Variants in NCOR2 observed in about 807,000 individuals in gnomAD.
NCOR2 encodes nuclear receptor corepressor 2.
Under a neutral mutation model 262.9 loss-of-function variants are expected in NCOR2, and 81 were observed. The ratio of observed to expected loss-of-function variants is 0.31; its 90% CI spans 0.26 to 0.37. The LOEUF is 0.37. NCOR2 is among the 10% of genes least tolerant of loss of function. NCOR2 has a pLI of 1.00. For synonymous variants in NCOR2, 1,659 were observed against 1,559.3 expected (o/e 1.06, Z -1.51); for missense variants, 3,385 against 3,621.4 (o/e 0.93, Z 1.68).
intron 16 of NCOR2, among the ~76,000 whole-genome samples, chr12:124,387,672 CG>C (rs998880000): frequency 2.0e-5 from 3 of 152,180 alleles, no homozygotes; most frequent in African/African-American, 7.2e-5. Flanking sequence ...AGGGGAGGGC[CG>C]GGGCGTGGGA....
At chr12:124,393,920 G>A (rs1421611453) in intron 16 of NCOR2, among the ~76,000 whole-genome samples, 2 of 152,274 alleles carry the variant, frequency 1.3e-5, no homozygotes, top group Non-Finnish European at 2.9e-5. Context: ...TGCTCTGGGT[G>A]TCGGCCCCTT....
intron 37 of NCOR2, 22 bp downstream of exon 39, chr12:124,339,984 C>T: frequency 6.2e-7 from 1 of 1,609,748 alleles, no homozygotes. Flanking sequence ...CCCGCCCCCT[C>T]CCCCATGCCA....
chr12:124,387,706 C>T (rs1229004377), intron 16 of NCOR2, among the ~76,000 whole-genome samples: 1 of 152,250 alleles, frequency 6.6e-6, no homozygotes, highest in African/African-American at 2.4e-5. Flanking sequence ...CGGCCCCTGA[C>T]CTTTCCCTCC....
At position 124,432,737 on chromosome 12, in the gene NCOR2, G is replaced by T. The variant is rs1166706819; in HGVS notation, c.883-1950C>A. On this transcript the variant is annotated intron_variant, in intron 8 of 46. Transcript: ENST00000405201. This position sits in a 1 kb window ranked among gnomAD's most constrained non-coding sequence, Gnocchi z 5.1. ...TCTGCCTTCCCTCCAAGACAAGGAA[G>T]TCCCTCTCCACATCTAACCACAGTG... Among the ~76,000 whole-genome samples the T allele has an allele frequency of 6.6e-6, 1 of 152,184 alleles. No homozygotes were observed. Among genetic ancestry groups the T allele is most frequent in the Non-Finnish European group, 1.5e-5 (1 of 68,030 alleles).
Position 124,332,474 on chromosome 12 carries a change from G to A in NCOR2, c.6756-7C>T, listed in dbSNP as rs1566350706. 6.2e-7 allele frequency: 1 copy of A among 1,614,148 alleles called. No individual in the cohort carries two copies. Among genetic ancestry groups the A allele is most frequent in the African/African-American group, 1.3e-5 (1 of 75,030 alleles). On this transcript the variant is annotated splice_region_variant and splice_polypyrimidine_tract_variant and intron_variant, in intron 42 of 46. Transcript: ENST00000405201. Reference sequence around the variant, plus strand: ...AGACTTGGAGCCCATCCTGCTGTGAGGATCAAACACCTCACATCAGCTCAC... The same window carrying A: ...AGACTTGGAGCCCATCCTGCTGTGAAGATCAAACACCTCACATCAGCTCAC...
At chr12:124,451,198 C>A (rs1160006732) in intron 6 of NCOR2, among the ~76,000 whole-genome samples, 1 of 152,264 alleles carries the variant, frequency 6.6e-6, no homozygotes, top group Non-Finnish European at 1.5e-5. Context: ...TGGTGCAACC[C>A]AGCCTGGGCT....
rs1221881422 is a variant in NCOR2 at position 124,335,176 on chromosome 12, T to C, written c.6370A>G (p.Lys2124Glu). The C allele has an allele frequency of 8.7e-6, 14 of 1,611,720 alleles. No individual in the cohort carries two copies. Among genetic ancestry groups the C allele is most frequent in the Non-Finnish European group, 1.2e-5 (14 of 1,179,898 alleles). ...AGGGTGACCACCCGCTGGTGACCTTTGACCCCTGGGGCGGTCTGGAGCAGC... is the reference window on the plus strand; with the variant it reads ...AGGGTGACCACCCGCTGGTGACCTTCGACCCCTGGGGCGGTCTGGAGCAGC... The change falls in exon 40 of 47, where the codon AAA becomes GAA. Residue 2124 changes from lysine (K) to glutamate (E), a missense_variant. This residue lies in a region of NCOR2 where 1,017 missense variants were observed against 967.2 expected (regional missense o/e 1.05). Transcript: ENST00000405201.
intron 1 of NCOR2, among the ~76,000 whole-genome samples, chr12:124,494,808 G>C (rs751406337): frequency 2.6e-5 from 4 of 152,164 alleles, no homozygotes; most frequent in Non-Finnish European, 4.4e-5. Context: ...CTGCGGCAGC[G>C]GGGGAGCAGA....
At chr12:124,493,159 AC>A (rs2048186325) in intron 1 of NCOR2, among the ~76,000 whole-genome samples, 2 of 152,262 alleles carry the variant, frequency 1.3e-5, no homozygotes, top group South Asian at 4.1e-4. Context: ...TCAGCCAGTG[AC>A]CCCGAGGGCC....
At chr12:124,429,057 C>T (rs372611272) in intron 10 of NCOR2, among the ~76,000 whole-genome samples, 1 of 152,358 alleles carries the variant, frequency 6.6e-6, no homozygotes, top group Middle Eastern at 3.4e-3. Flanking sequence ...GGTGTCCTGG[C>T]ACCCCAAAGA....
chr12:124,434,729 G>A (rs377034078), intron 8 of NCOR2, among the ~76,000 whole-genome samples: 1 of 152,216 alleles, frequency 6.6e-6, no homozygotes, highest in Non-Finnish European at 1.5e-5. Context: ...GTGAAAATGA[G>A]AGGATTTCCT....
chr12:124,399,135 G>A (rs1565908120), intron 15 of NCOR2, among the ~76,000 whole-genome samples: 1 of 151,390 alleles, frequency 6.6e-6, no homozygotes, highest in South Asian at 2.1e-4. Flanking sequence ...AGGGGAGACG[G>A]CCCCCACCCC....
At chr12:124,431,637 A>C (rs2043944673) in intron 8 of NCOR2, among the ~76,000 whole-genome samples, 1 of 151,294 alleles carries the variant, frequency 6.6e-6, no homozygotes, top group Non-Finnish European at 1.5e-5. Context: ...ATACACAGGC[A>C]CACATACATA....
chr12:124,460,490 A>G (rs538825062), intron 5 of NCOR2, among the ~76,000 whole-genome samples: 1 of 152,222 alleles, frequency 6.6e-6, no homozygotes, highest in Non-Finnish European at 1.5e-5. Flanking sequence ...GGTTGAGGGC[A>G]GTGGGCACTT....
chr12:124,333,963 TGC>T (rs1342130722), intron 41 of NCOR2, among the ~76,000 whole-genome samples: 5 of 149,482 alleles, frequency 3.3e-5, no homozygotes, highest in Non-Finnish European at 7.4e-5. Context: ...CGTGTGTGTG[TGC>T]GGGTGCGCAT....
intron 11 of NCOR2, among the ~76,000 whole-genome samples, chr12:124,424,374 C>T (rs958625209): frequency 2.6e-5 from 4 of 152,092 alleles, no homozygotes; most frequent in African/African-American, 7.2e-5. Context: ...TTTGATTTGA[C>T]GTAGAAAGAT....
intron 11 of NCOR2, among the ~76,000 whole-genome samples, chr12:124,426,056 C>T (rs1191385830): frequency 4.6e-5 from 7 of 152,218 alleles, no homozygotes; most frequent in Non-Finnish European, 8.8e-5. Context: ...AAGGCTGCGG[C>T]CCAGCCTCTA....
chr12:124,346,329 C>T (rs1213464258), intron 31 of NCOR2, among the ~76,000 whole-genome samples: 1 of 151,938 alleles, frequency 6.6e-6, no homozygotes, highest in African/African-American at 2.4e-5. Context: ...CTCAGTTTCC[C>T]TCCCTGAAGA....
chr12:124,439,269 C>A (rs1297581382), intron 7 of NCOR2, among the ~76,000 whole-genome samples: 15 of 5,340 alleles, frequency 2.8e-3, no homozygotes, highest in Non-Finnish European at 3.6e-3. Flanking sequence ...AGATGGAGAC[C>A]CTGAGACAGA....
Sources: allele counts gnomAD v4.1 joint callset (sites outside exome capture counted in the v4.1 genomes callset), GRCh38; gene constraint gnomAD v4.1.1; regional missense constraint gnomAD v4.1.1; non-coding constraint Gnocchi (gnomAD v3.1); transcripts MANE v1.5; gene names NCBI Gene and HGNC (gene_info 2026-07-23, HGNC 2026-07-21).